Variants in PLXDC2 observed in about 807,000 individuals in gnomAD.
PLXDC2 encodes plexin domain containing 2, also known as plexin domain-containing protein 2.
In PLXDC2, 40 loss-of-function variants were observed where a neutral mutation model predicts 68.9. The ratio of observed to expected loss-of-function variants is 0.58; its 90% CI spans 0.45 to 0.76. The LOEUF is 0.76. Among genes scored for constraint, PLXDC2 ranks in the 30% least tolerant of loss-of-function variants. PLXDC2 has a pLI of 0.00. For synonymous variants in PLXDC2, 243 were observed against 234.2 expected, an observed-to-expected ratio of 1.04 and a Z score of -0.34; for missense variants, 644 against 661.9, an observed-to-expected ratio of 0.97 and a Z score of 0.30.
intron 7 of PLXDC2, among the ~76,000 whole-genome samples, chr10:20,172,805 G>C (rs1403956656): frequency 6.6e-6 from 1 of 152,160 alleles, no homozygotes; most frequent in African/African-American, 2.4e-5. Flanking sequence ...AGTTTTACCA[G>C]TGTCCTGAAA....
chr10:19,893,499 C>A (rs1175039439), intron 1 of PLXDC2, among the ~76,000 whole-genome samples: 1 of 152,100 alleles, frequency 6.6e-6, no homozygotes, highest in Non-Finnish European at 1.5e-5. Context: ...AACACAAATA[C>A]ATTGAGAGAA....
intron 1 of PLXDC2, among the ~76,000 whole-genome samples, chr10:19,860,650 A>G (rs956898089): frequency 2.0e-5 from 3 of 152,198 alleles, no homozygotes; most frequent in Non-Finnish European, 4.4e-5. Flanking sequence ...TTCATCATCA[A>G]TAAATATCTA....
chr10:20,105,143 A>G (rs1289020345), intron 4 of PLXDC2, among the ~76,000 whole-genome samples: 3 of 151,854 alleles, frequency 2.0e-5, no homozygotes. Flanking sequence ...ACCTTAAGGA[A>G]CAAGGTGATG....
intron 4 of PLXDC2, among the ~76,000 whole-genome samples, chr10:20,093,214 T>C (rs1833304418): frequency 6.6e-6 from 1 of 152,184 alleles, no homozygotes; most frequent in Non-Finnish European, 1.5e-5. Context: ...ATGGAATGAT[T>C]TCGTGTATAA....
chr10:19,897,663 T>C (rs995152205), intron 1 of PLXDC2, among the ~76,000 whole-genome samples: 6 of 152,170 alleles, frequency 3.9e-5, no homozygotes, highest in African/African-American at 1.4e-4. Flanking sequence ...ATATAAAATA[T>C]GGTTTTTTTA....
chr10:20,059,561 G>A (rs1836062218), intron 3 of PLXDC2, among the ~76,000 whole-genome samples: 1 of 152,190 alleles, frequency 6.6e-6, no homozygotes, highest in Non-Finnish European at 1.5e-5. Flanking sequence ...TGAAAAAAGT[G>A]CTGAAGAGGT....
At chr10:19,821,506 A>AT (rs1270315952) in intron 1 of PLXDC2, among the ~76,000 whole-genome samples, 1 of 152,174 alleles carries the variant, frequency 6.6e-6, no homozygotes, top group Non-Finnish European at 1.5e-5. Context: ...CATGTATTCT[A>AT]TTAGACTAGA....
intron 4 of PLXDC2, chr10:20,091,818 T>G (rs146686411): frequency 2.5e-3 from 375 of 152,544 alleles, no homozygotes; most frequent in African/African-American, 8.2e-3. Context: ...CTGAGTTCCA[T>G]ATTACCGGAC....
At chr10:20,236,824 TAC>T (rs1434161280) in intron 12 of PLXDC2, among the ~76,000 whole-genome samples, 26 of 152,264 alleles carry the variant, frequency 1.7e-4, no homozygotes, top group African/African-American at 6.3e-4. Flanking sequence ...TATCTGCACA[TAC>T]ACATGCCTAA....
At position 20,119,031 on chromosome 10, in the gene PLXDC2, G is replaced by A. The variant is rs543907641; in HGVS notation, c.542-24264G>A. ...GAAGGTAAATTAATCTGCTGGGAGAGGTGATTTAGGAGTATGTGTCAATAA... is the reference window on the plus strand; with the variant it reads ...GAAGGTAAATTAATCTGCTGGGAGAAGTGATTTAGGAGTATGTGTCAATAA... On this transcript the variant is annotated intron_variant, in intron 4 of 13. Coordinates refer to ENST00000377252, the MANE Select transcript of PLXDC2 (RefSeq NM_032812.9). 2.0e-5 allele frequency among the ~76,000 whole-genome samples: 3 copies of A among 151,904 alleles called. No individual in the cohort carries two copies. The South Asian group carries it at 6.2e-4, about 32-fold the overall frequency.
chr10:19,927,358 T>C (rs1833553905), intron 1 of PLXDC2, among the ~76,000 whole-genome samples: 1 of 152,034 alleles, frequency 6.6e-6, no homozygotes, highest in Non-Finnish European at 1.5e-5. Flanking sequence ...GATTATTTTT[T>C]CTTATGAATT....
At chr10:19,907,929 A>C (rs1300012009) in intron 1 of PLXDC2, among the ~76,000 whole-genome samples, 1 of 152,156 alleles carries the variant, frequency 6.6e-6, no homozygotes, top group Non-Finnish European at 1.5e-5. Flanking sequence ...TCAGACCCTC[A>C]CTGGTACCAC....
At chr10:20,192,331 G>T (rs1460585012) in intron 9 of PLXDC2, among the ~76,000 whole-genome samples, 1 of 152,004 alleles carries the variant, frequency 6.6e-6, no homozygotes, top group Non-Finnish European at 1.5e-5. Flanking sequence ...ACTAGCTTAT[G>T]TGTACTAACC....
At chr10:20,040,114 C>T (rs544190605) in intron 2 of PLXDC2, among the ~76,000 whole-genome samples, 57 of 152,208 alleles carry the variant, frequency 3.7e-4, no homozygotes, top group African/African-American at 1.3e-3. Context: ...AGAATTCTTT[C>T]TAAGGAATAA....
At chr10:19,906,034 G>C (rs72785822) in intron 1 of PLXDC2, among the ~76,000 whole-genome samples, 5,836 of 152,130 alleles carry the variant, frequency 0.038, 158 homozygotes, top group Middle Eastern at 0.1. Flanking sequence ...GCCTTGATGG[G>C]CCTTACATTC....
intron 3 of PLXDC2, among the ~76,000 whole-genome samples, chr10:20,062,952 A>G (rs1370237445): frequency 6.6e-6 from 1 of 152,150 alleles, no homozygotes; most frequent in Non-Finnish European, 1.5e-5. Flanking sequence ...TAAATAAATG[A>G]ACTGAAAATA....
At chr10:20,223,493 G>A (rs1588527441) in intron 12 of PLXDC2, among the ~76,000 whole-genome samples, 1 of 151,890 alleles carries the variant, frequency 6.6e-6, no homozygotes, top group East Asian at 1.9e-4. Flanking sequence ...TGTATTTTTA[G>A]TAGAGACAGG....
At chr10:20,252,034 T>C (rs903355031) in intron 13 of PLXDC2, among the ~76,000 whole-genome samples, 17 of 152,046 alleles carry the variant, frequency 1.1e-4, no homozygotes, top group African/African-American at 4.1e-4. Context: ...AGGAGTCAGT[T>C]CAAATGATTA....
At chr10:20,170,366 T>C (rs1046305284) in intron 7 of PLXDC2, among the ~76,000 whole-genome samples, 2 of 152,132 alleles carry the variant, frequency 1.3e-5, no homozygotes, top group Non-Finnish European at 2.9e-5. Flanking sequence ...ATTTTTGTAT[T>C]TTTAGTAGAG....
Sources: allele counts gnomAD v4.1 joint callset (sites outside exome capture counted in the v4.1 genomes callset), GRCh38; gene constraint gnomAD v4.1.1; transcripts MANE v1.5; gene names NCBI Gene and HGNC (gene_info 2026-07-23, HGNC 2026-07-21).